Variants in DLC1 observed in about 807,000 individuals in gnomAD.
DLC1 encodes rho GTPase-activating protein 7.
Under a neutral mutation model 140.3 loss-of-function variants are expected in DLC1, and 54 were observed. The observed-to-expected ratio is 0.38, with a 90% CI of 0.31 to 0.48. DLC1 has a LOEUF of 0.48. DLC1 is among the 20% of genes least tolerant of loss of function. DLC1 has a pLI of 0.96. For missense variants in DLC1, 2,536 were observed against 1,907.0 expected (o/e 1.33, Z -6.14); for synonymous variants, 986 against 728.1 (o/e 1.35, Z -5.70).
At chr8:13,236,954 AAAAT>A (rs1451666458) in intron 5 of DLC1, among the ~76,000 whole-genome samples, 4 of 152,154 alleles carry the variant, frequency 2.6e-5, no homozygotes, top group African/African-American at 9.6e-5. Context: ...TAAGAAATGA[AAAAT>A]AAATCACTGA....
chr8:13,321,231 T>A (rs985722923), intron 4 of DLC1, among the ~76,000 whole-genome samples: 2 of 151,806 alleles, frequency 1.3e-5, no homozygotes, highest in African/African-American at 4.8e-5. Context: ...AACTGGAGAG[T>A]ATTAAGTGAT....
intron 4 of DLC1, among the ~76,000 whole-genome samples, chr8:13,329,335 G>A (rs1833494999): frequency 6.6e-6 from 1 of 151,960 alleles, no homozygotes; most frequent in East Asian, 1.9e-4. Context: ...TATTGGTCCA[G>A]ATCATTGGGA....
At chr8:13,207,691 C>T (rs146870018) in intron 5 of DLC1, among the ~76,000 whole-genome samples, 1 of 152,066 alleles carries the variant, frequency 6.6e-6, no homozygotes, top group African/African-American at 2.4e-5. Context: ...TGATCTTTCT[C>T]CCTAGGGGAC....
At chr8:13,581,281 T>A (rs890679535) in intron 1 of DLC1, among the ~76,000 whole-genome samples, 15 of 152,168 alleles carry the variant, frequency 9.9e-5, no homozygotes, top group Non-Finnish European at 5.9e-5. Context: ...AACATACATA[T>A]ACAAATGACA....
At chr8:13,359,617 T>G (rs1835126780) in intron 4 of DLC1, among the ~76,000 whole-genome samples, 1 of 152,166 alleles carries the variant, frequency 6.6e-6, no homozygotes, top group Non-Finnish European at 1.5e-5. Context: ...ACAACAGCAA[T>G]CATAAGGGTA....
At position 13,134,971 on chromosome 8, in the gene DLC1, G is replaced by C. The variant is rs149500283; in HGVS notation, c.1349-19314C>G. On this transcript the variant is annotated intron_variant, in intron 5 of 17. Coordinates refer to ENST00000276297, the MANE Select transcript of DLC1 (RefSeq NM_182643.3). Reference sequence around the variant, plus strand: ...CAGCCTGGTGGGAGGAAGCAACAGGGTTGTATGAAAAAGCGGTGCTGTGAG... The same window carrying C: ...CAGCCTGGTGGGAGGAAGCAACAGGCTTGTATGAAAAAGCGGTGCTGTGAG... Among the ~76,000 whole-genome samples, 269 of 152,168 alleles carry C rather than the reference G, an allele frequency of 1.8e-3. 2 individuals are homozygous for C. The highest frequency in any genetic ancestry group is 6.3e-3 in the African/African-American group (262 of 41,510).
At chr8:13,191,707 C>G (rs184722166) in intron 5 of DLC1, among the ~76,000 whole-genome samples, 11 of 152,218 alleles carry the variant, frequency 7.2e-5, no homozygotes, top group Admixed American at 3.3e-4. Flanking sequence ...GGACAAACCA[C>G]AGGACTGAGG....
At chr8:13,579,497 T>C (rs2117439894) in intron 1 of DLC1, among the ~76,000 whole-genome samples, 1 of 112,622 alleles carries the variant, frequency 8.9e-6, no homozygotes, top group East Asian at 2.4e-4. Context: ...TAATATATTA[T>C]ATTTTATATT....
intron 5 of DLC1, among the ~76,000 whole-genome samples, chr8:13,190,777 G>A (rs188396756): frequency 1.1e-3 from 171 of 152,238 alleles, no homozygotes; most frequent in African/African-American, 4.0e-3. Context: ...TGGCACAGGG[G>A]ACAAGAACCA....
intron 15 of DLC1, 69 bp downstream of exon 15, chr8:13,090,183 G>C: frequency 2.1e-6 from 3 of 1,454,680 alleles, no homozygotes; most frequent in Non-Finnish European, 9.4e-7. Flanking sequence ...TGGCAAAAGC[G>C]TGTTATCTCT....
intron 2 of DLC1, among the ~76,000 whole-genome samples, chr8:13,414,798 T>C (rs1221305692): frequency 1.3e-5 from 2 of 151,778 alleles, no homozygotes; most frequent in Non-Finnish European, 2.9e-5. Flanking sequence ...GATGTTATCA[T>C]TTTTTTTGAG....
At chr8:13,508,710 G>A (rs1352850263) in intron 1 of DLC1, among the ~76,000 whole-genome samples, 1 of 152,068 alleles carries the variant, frequency 6.6e-6, no homozygotes, top group African/African-American at 2.4e-5. Flanking sequence ...GAGCCACCAC[G>A]CCCGGCCAGA....
chr8:13,158,184 G>A (rs988197478), intron 5 of DLC1, among the ~76,000 whole-genome samples: 1 of 152,120 alleles, frequency 6.6e-6, no homozygotes, highest in Non-Finnish European at 1.5e-5. Context: ...GTATCTCTGG[G>A]GTCCCCGCCC....
At chr8:13,574,895 G>A (rs1442488961) in intron 1 of DLC1, among the ~76,000 whole-genome samples, 2 of 152,138 alleles carry the variant, frequency 1.3e-5, no homozygotes, top group African/African-American at 4.8e-5. Context: ...ATGAAGCCTA[G>A]TATAATAACT....
chr8:13,360,656 G>A (rs559783176), intron 4 of DLC1, among the ~76,000 whole-genome samples: 3 of 151,482 alleles, frequency 2.0e-5, no homozygotes, highest in Non-Finnish European at 4.4e-5. Context: ...TGTGTTTTTT[G>A]GTTGCATAGT....
In DLC1 at chr8:13,305,305, GA is replaced by G. The variant is rs752886435; in HGVS notation, c.1315-4del. 7.8e-5 allele frequency: 124 copies of G among 1,587,146 alleles called. No homozygotes were observed. Among genetic ancestry groups the G allele is most frequent in the Middle Eastern group, 1.7e-4 (1 of 5,946 alleles). On this transcript the variant is annotated splice_polypyrimidine_tract_variant and splice_region_variant and intron_variant, in intron 4 of 17. Coordinates refer to ENST00000276297, the MANE Select transcript of DLC1 (RefSeq NM_182643.3). ...TTCTCTGAAATACCTTGAATAGCCT[GA>G]AAAAAAAGACACAAAAATTGTGGTA...
chr8:13,288,734 C>G (rs1214020411), intron 5 of DLC1, among the ~76,000 whole-genome samples: 2 of 152,196 alleles, frequency 1.3e-5, no homozygotes, highest in African/African-American at 4.8e-5. Flanking sequence ...TCACTAGTTC[C>G]TGCCCCTTTC....
chr8:13,412,609 A>G (rs1837827487), intron 2 of DLC1, among the ~76,000 whole-genome samples: 1 of 152,152 alleles, frequency 6.6e-6, no homozygotes, highest in Admixed American at 6.5e-5. Context: ...TGACAGGGCC[A>G]TGAGTAACCT....
intron 1 of DLC1, among the ~76,000 whole-genome samples, chr8:13,588,025 C>G (rs949596475): frequency 1.3e-5 from 2 of 151,950 alleles, no homozygotes; most frequent in Non-Finnish European, 2.9e-5. Flanking sequence ...TATATAGGTC[C>G]TACTTCAGCT....
Sources: gnomAD v4.1 joint callset for allele counts (sites outside exome capture counted in the v4.1 genomes callset) on GRCh38, gnomAD v4.1.1 for gene constraint, MANE v1.5 for transcripts, NCBI Gene and HGNC (gene_info 2026-07-23, HGNC 2026-07-21) for gene names.